WNT10B: variants seen among roughly 807,000 people sequenced by gnomAD.
The protein encoded by WNT10B is protein Wnt-10b.
A neutral mutation model predicts 32.7 loss-of-function variants in WNT10B; 26 were observed. The ratio of observed to expected loss-of-function variants is 0.79; its 90% CI spans 0.58 to 1.10. The LOEUF is 1.10. Among genes scored for constraint, WNT10B ranks in the 50% least tolerant of loss-of-function variants. WNT10B has a pLI of 0.00. For missense variants in WNT10B, 474 were observed against 532.5 expected (o/e 0.89, Z 1.08); for synonymous variants, 204 against 220.4 (o/e 0.93, Z 0.66).
In WNT10B at chr12:48,970,596, T is replaced by C; in HGVS notation, c.-40-27A>G. The stretch of plus-strand genomic sequence containing the variant: ...TGCGGGACGGGAGACTTGATGCGGG[T>C]TCAGGAATAGGGCGGCTCGCTTGGG... On this transcript the variant is annotated intron_variant, in intron 1 of 4. Transcript: ENST00000301061. The surrounding 1 kb of genome is among the most constrained non-coding windows in gnomAD (Gnocchi z 5.0). The C allele has an allele frequency of 6.5e-7, 1 of 1,536,170 alleles. No individual in the cohort carries two copies. The highest frequency in any genetic ancestry group is 1.2e-5 in the South Asian group (1 of 83,776).
At chr12:48,968,483 G>A (rs1467703915) in intron 3 of WNT10B, among the ~76,000 whole-genome samples, 164 bp from the exon 4 acceptor site, 3 of 152,224 alleles carry the variant, frequency 2.0e-5, no homozygotes, top group Non-Finnish European at 4.4e-5. Flanking sequence ...CATGGGACAA[G>A]GAAGGGTACA....
chr12:48,968,932 T>G (rs1018007601), intron 3 of WNT10B, among the ~76,000 whole-genome samples: 1 of 152,174 alleles, frequency 6.6e-6, no homozygotes, highest in African/African-American at 2.4e-5. Flanking sequence ...CCTTCAAGAC[T>G]GCCCTTTTTA....
chr12:48,967,199 T>C (rs1940752150), intron 4 of WNT10B, among the ~76,000 whole-genome samples: 2 of 131,002 alleles, frequency 1.5e-5, no homozygotes, highest in Non-Finnish European at 1.6e-5. Flanking sequence ...GGAGTCTTGC[T>C]CTGTCGCCCA....
Position 48,970,584 on chromosome 12 carries a change from A to G in WNT10B, c.-40-15T>C. On this transcript the variant is annotated splice_polypyrimidine_tract_variant and intron_variant, in intron 1 of 4. Coordinates refer to ENST00000301061, the MANE Select transcript of WNT10B (RefSeq NM_003394.4). The surrounding 1 kb of genome is among the most constrained non-coding windows in gnomAD (Gnocchi z 5.0). ...TCGATCAGGACCTGCGGGACGGGAG[A>G]CTTGATGCGGGTTCAGGAATAGGGC... 1.3e-6 allele frequency: 2 copies of G among 1,545,030 alleles called. No individual in the cohort carries two copies. Among genetic ancestry groups the G allele is most frequent in the Non-Finnish European group, 1.8e-6 (2 of 1,141,152 alleles).
At position 48,966,290 on chromosome 12, in the gene WNT10B, G is replaced by T. The variant is rs1255663909; in HGVS notation, c.975C>A (p.Gly325=). 1.2e-6 allele frequency: 2 copies of T among 1,614,216 alleles called. No individual in the cohort carries two copies. Among genetic ancestry groups the T allele is most frequent in the African/African-American group, 1.3e-5 (1 of 75,070 alleles). Residue 325 remains glycine (G), a synonymous_variant, in exon 5 of 5, where the codon GGC becomes GGA. Transcript: ENST00000301061. ...PDFCERDPTM[G]SPGTRGRACN... Reference sequence around the variant, plus strand: ...AGGCCCGGCCCCTTGTCCCTGGGGAGCCCATAGTGGGGTCTCGCTCACAGA... The same window carrying T: ...AGGCCCGGCCCCTTGTCCCTGGGGATCCCATAGTGGGGTCTCGCTCACAGA...
chr12:48,967,280 C>T (rs1321078245), intron 4 of WNT10B, among the ~76,000 whole-genome samples: 1 of 151,962 alleles, frequency 6.6e-6, no homozygotes, highest in African/African-American at 2.4e-5. Flanking sequence ...ATTCTCCTGC[C>T]TCAGTCTCCC....
chr12:48,969,249 C>G (rs965723244), intron 3 of WNT10B: 1 of 417,616 alleles, frequency 2.4e-6, no homozygotes, highest in Non-Finnish European at 4.9e-6. Flanking sequence ...CTCTGCTACC[C>G]CAGGATCTAG....
intron 4 of WNT10B, among the ~76,000 whole-genome samples, 200 bp from the exon 5 acceptor site, chr12:48,966,753 G>A (rs890637804): frequency 3.3e-5 from 5 of 152,186 alleles, no homozygotes; most frequent in Non-Finnish European, 5.9e-5. Flanking sequence ...TGAAGACAGA[G>A]CAGTGTGATT....
intron 3 of WNT10B, chr12:48,969,144 C>T (rs1330582835): frequency 2.1e-6 from 1 of 470,610 alleles, no homozygotes; most frequent in Non-Finnish European, 4.4e-6. Context: ...TACACCAGGC[C>T]CTGTGGGGAA....
chr12:48,970,025 C>A lies in WNT10B; in HGVS notation c.337+64G>T. 1 of 1,391,286 alleles carries A rather than the reference C, an allele frequency of 7.2e-7. No homozygotes were observed. Among genetic ancestry groups the A allele is most frequent in the South Asian group, 1.6e-5 (1 of 62,004 alleles). 86.2% of individuals were successfully genotyped at this position (1,391,286 alleles called of 1,614,324 possible). A position where few individuals can be genotyped will look rare whatever the true frequency, so the allele number is the denominator to read the frequency against. On this transcript the variant is annotated intron_variant, in intron 3 of 4. Transcript: ENST00000301061. This position sits in a 1 kb window ranked among gnomAD's most constrained non-coding sequence, Gnocchi z 5.0. ...GAAACCATCCCTTCCCGCCTCCGCG[C>A]GCCTCGCCCTGCCGCCCACCCCCTA... is the stretch of plus-strand genomic sequence containing the variant.
Position 48,966,343 on chromosome 12 carries a change from G to A in WNT10B, c.922C>T (p.Leu308=). 1.2e-6 allele frequency: 2 copies of A among 1,614,234 alleles called. No homozygotes were observed. The highest frequency in any genetic ancestry group is 1.1e-5 in the South Asian group (1 of 91,088). The change falls in exon 5 of 5, where the codon CTG becomes TTG. Residue 308 remains leucine, a synonymous_variant. Coordinates refer to ENST00000301061, the MANE Select transcript of WNT10B (RefSeq NM_003394.4). ...RLRPRRLSGE[L]VYFEKSPDFC... is the part of the protein sequence containing the mutation. ...TCAGGAGACTTCTCAAAGTAGACCA[G>A]CTCTCCTGAGAGGCGACGGGGACGC...
chr12:48,970,465 A>G lies in WNT10B; in HGVS notation c.65T>C (p.Leu22Ser). Residue 22 changes from leucine (L) to serine (S), a missense_variant, in exon 2 of 5, where the codon TTG (leucine) becomes TCG (serine). Coordinates refer to ENST00000301061, the MANE Select transcript of WNT10B (RefSeq NM_003394.4). This position sits in a 1 kb window ranked among gnomAD's most constrained non-coding sequence, Gnocchi z 5.0. ...SGLAGLLFLA[L>S]CSRALSNEIL... ...AAGGGGAACTGCTCACCGACTGCAC[A>G]ACGCCAGGAACAGGAGACCCGCGAG... The G allele has an allele frequency of 1.2e-6, 2 of 1,613,034 alleles. No homozygotes were observed. Among genetic ancestry groups the G allele is most frequent in the Non-Finnish European group, 1.7e-6 (2 of 1,179,698 alleles).
intron 4 of WNT10B, among the ~76,000 whole-genome samples, chr12:48,967,399 C>G (rs1011139788): frequency 3.9e-5 from 6 of 152,050 alleles, no homozygotes; most frequent in African/African-American, 1.2e-4. Context: ...CTCCTCACCT[C>G]TTGATCCACC....
In WNT10B at chr12:48,970,073, G is replaced by A. The variant is rs1940819726; in HGVS notation, c.337+16C>T. ...CTAGCCTCCGCGGCAGCGCCGACCC[G>A]CCCAGCCAGGCTCACCGCGCTTGAG... is the stretch of plus-strand genomic sequence containing the variant. On this transcript the variant is annotated intron_variant, in intron 3 of 4. Coordinates refer to ENST00000301061, the MANE Select transcript of WNT10B (RefSeq NM_003394.4). The surrounding 1 kb of genome is among the most constrained non-coding windows in gnomAD (Gnocchi z 5.0). 1.3e-6 allele frequency: 2 copies of A among 1,502,856 alleles called. No homozygotes were observed. The highest frequency in any genetic ancestry group is 1.8e-6 in the Non-Finnish European group (2 of 1,127,220). The allele number at this position is 1,502,856 out of a possible 1,614,324, so 93.1% of individuals were successfully genotyped here. A position where few individuals can be genotyped will look rare whatever the true frequency, so the allele number is the denominator to read the frequency against.
chr12:48,971,297 TTC>T (rs1940851437), intron 1 of WNT10B, among the ~76,000 whole-genome samples, 156 bp downstream of exon 1: 2 of 152,190 alleles, frequency 1.3e-5, no homozygotes, highest in African/African-American at 2.4e-5. Flanking sequence ...CACTCCTTTA[TTC>T]TCTGTGTCTT....
chr12:48,966,186 C>A lies in WNT10B; in HGVS notation c.1079G>T (p.Arg360Leu). 1 of 1,613,656 alleles carries A rather than the reference C, an allele frequency of 6.2e-7. No homozygotes were observed. Among genetic ancestry groups the A allele is most frequent in the Non-Finnish European group, 8.5e-7 (1 of 1,179,866 alleles). The change falls in exon 5 of 5, where the codon CGA becomes CTA. Residue 360 changes from arginine (R) to leucine (L), a missense_variant. Physicochemically the swap from Arg to Leu is moderately radical, Grantham distance 102. Coordinates refer to ENST00000301061, the MANE Select transcript of WNT10B (RefSeq NM_003394.4). The stretch of plus-strand genomic sequence containing the variant: ...GAAGCGGCAATGGCAGCGCTCAACT[C>A]GTGTCTGCCGGAGCACGTTGTGCCC... ...GRGHNVLRQT[R>L]VERCHCRFHW...
chr12:48,968,256 G>T lies in WNT10B; in HGVS notation c.401C>A (p.Thr134Lys), dbSNP rs200652260. The T allele has an allele frequency of 6.2e-7, 1 of 1,609,030 alleles. No individual in the cohort carries two copies. Among genetic ancestry groups the T allele is most frequent in the Admixed American group, 1.7e-5 (1 of 60,030 alleles). ...LAAGVMHAVATACSLGKLVSC... is the reference protein window; with the variant it reads ...LAAGVMHAVAKACSLGKLVSC... ...CACCAGCTTGCCCAGGCTGCAGGCC[G>T]TGGCTACTGCGTGCATGACCCCAGC... The change falls in exon 4 of 5, where the codon ACG (threonine) becomes AAG (lysine). Residue 134 changes from threonine (T) to lysine (K), a missense_variant. Transcript: ENST00000301061.
intron 4 of WNT10B, among the ~76,000 whole-genome samples, chr12:48,967,605 T>C (rs1940762222): frequency 6.6e-6 from 1 of 152,110 alleles, no homozygotes; most frequent in Admixed American, 6.5e-5. Context: ...CGGCCCAGTC[T>C]GTTTTTATAT....
chr12:48,968,128 G>A lies in WNT10B; in HGVS notation c.529C>T (p.Leu177=). ...LSRGKSFPHS[L]PSPGPGSSPS... The stretch of plus-strand genomic sequence containing the variant: ...CTTGAGCCAGGGCCAGGGCTGGGCA[G>A]AGAGTGGGGGAAACTCTTGCCTCGG... The change falls in exon 4 of 5, where the codon CTG becomes TTG. Residue 177 remains leucine, a synonymous_variant. Coordinates refer to ENST00000301061, the MANE Select transcript of WNT10B (RefSeq NM_003394.4). The A allele has an allele frequency of 6.2e-7, 1 of 1,614,202 alleles. No homozygotes were observed. The highest frequency in any genetic ancestry group is 1.1e-5 in the South Asian group (1 of 91,088).
Sources: gnomAD v4.1 joint callset for allele counts (sites outside exome capture counted in the v4.1 genomes callset) on GRCh38, gnomAD v4.1.1 for gene constraint, Gnocchi (gnomAD v3.1) non-coding constraint, MANE v1.5 for transcripts, NCBI Gene and HGNC (gene_info 2026-07-23, HGNC 2026-07-21) for gene names.